The following SULF1 variants were observed in gnomAD, a reference collection of about 807,000 sequenced individuals.
The protein encoded by SULF1 is extracellular sulfatase Sulf-1.
SULF1 carries 46 observed loss-of-function variants against 110.5 expected under a neutral mutation model. That is an observed-to-expected ratio of 0.42 (90% confidence interval 0.33 to 0.53). The LOEUF (loss-of-function observed/expected upper bound fraction) is 0.53, where lower values mean the gene tolerates loss of function less well. SULF1 is among the 20% of genes least tolerant of loss of function. The probability of loss-of-function intolerance (pLI) is 0.12; values close to 1 mark genes in which losing one functional copy is unlikely to be tolerated. For synonymous variants in SULF1, 371 were observed against 387.1 expected (o/e 0.96, Z 0.49); for missense variants, 941 against 1,094.2 (o/e 0.86, Z 1.98).
chr8:69,567,692 T>A (rs1010768238), intron 5 of SULF1, among the ~76,000 whole-genome samples: 2 of 152,304 alleles, frequency 1.3e-5, no homozygotes, highest in African/African-American at 2.4e-5. Context: ...GCTGAATAAC[T>A]TTTCATTGCA....
chr8:69,544,253 TTTTTTTTGTTTG>T (rs372147669), intron 3 of SULF1, among the ~76,000 whole-genome samples: 2,287 of 151,920 alleles, frequency 0.015, 53 homozygotes, highest in African/African-American at 0.05. Context: ...AAACAAATGT[TTTTTTTTGTTTG>T]TTTTTTTGTT....
intron 6 of SULF1, among the ~76,000 whole-genome samples, chr8:69,579,351 C>T (rs968900482): frequency 1.3e-5 from 2 of 151,756 alleles, no homozygotes; most frequent in African/African-American, 2.4e-5. Context: ...GTCAGGAGTT[C>T]GAGCCTGGCC....
chr8:69,506,235 TACACACACACAC>T (rs10656748), intron 3 of SULF1, among the ~76,000 whole-genome samples: 2 of 149,800 alleles, frequency 1.3e-5, no homozygotes, highest in South Asian at 2.1e-4. Context: ...ACACTAAACA[TACACACACACAC>T]ACACACACAC....
At chr8:69,503,061 A>G (rs1810927037) in intron 3 of SULF1, among the ~76,000 whole-genome samples, 2 of 152,106 alleles carry the variant, frequency 1.3e-5, no homozygotes, top group South Asian at 4.1e-4. Flanking sequence ...CAAAACTTTC[A>G]TGAACCTCAC....
At position 69,518,899 on chromosome 8, in the gene SULF1, C is replaced by T. The variant is rs1362932953; in HGVS notation, c.-134+16931C>T. ...CATACAGATTTCTGGAACTCTTTCTCTTTATGTCTCTCTTCTCTCAAGCTC... is the reference window on the plus strand; with the variant it reads ...CATACAGATTTCTGGAACTCTTTCTTTTTATGTCTCTCTTCTCTCAAGCTC... On this transcript the variant is annotated intron_variant, in intron 3 of 22. Transcript: ENST00000402687. 2.0e-5 allele frequency among the ~76,000 whole-genome samples: 3 copies of T among 152,264 alleles called. No individual in the cohort carries two copies. In the East Asian group the frequency reaches 5.8e-4, roughly 29 times the overall value.
chr8:69,494,343 A>T (rs1810175377), intron 1 of SULF1, among the ~76,000 whole-genome samples: 1 of 152,126 alleles, frequency 6.6e-6, no homozygotes, highest in African/African-American at 2.4e-5. Context: ...ATAGTACAAC[A>T]TCCAAAATGG....
At chr8:69,653,487 G>A (rs2130741971) in intron 22 of SULF1, among the ~76,000 whole-genome samples, 1 of 152,344 alleles carries the variant, frequency 6.6e-6, no homozygotes, top group South Asian at 2.1e-4. Context: ...GGTCCAGATG[G>A]GTCCCAAACG....
chr8:69,482,181 G>C (rs1049037186), intron 1 of SULF1, among the ~76,000 whole-genome samples: 3 of 152,156 alleles, frequency 2.0e-5, no homozygotes, highest in African/African-American at 7.2e-5. Flanking sequence ...GAGGGCATCA[G>C]ACTCTTTTGC....
Position 69,658,549 on chromosome 8 carries a change from A to C in SULF1, c.*14A>C, listed in dbSNP as rs972129539. 1 of 1,610,262 alleles carries C rather than the reference A, an allele frequency of 6.2e-7. No homozygotes were observed. Among genetic ancestry groups the C allele is most frequent in the Non-Finnish European group, 8.5e-7 (1 of 1,176,796 alleles). On this transcript the variant is annotated 3_prime_UTR_variant, in exon 23 of 23. Transcript: ENST00000402687. ...TGGGAAGGTTAATCAGCCCCGTCTCACTGCAGACATCAACTGGCAAGGCCT... is the reference window on the plus strand; with the variant it reads ...TGGGAAGGTTAATCAGCCCCGTCTCCCTGCAGACATCAACTGGCAAGGCCT...
chr8:69,500,267 A>G (rs376647388), intron 2 of SULF1, among the ~76,000 whole-genome samples: 2 of 152,320 alleles, frequency 1.3e-5, no homozygotes, highest in East Asian at 3.9e-4. Flanking sequence ...AGTTTTTCAC[A>G]TGAATGTTTT....
chr8:69,555,372 AGTGGGCTGGGC>A (rs1290958331), intron 3 of SULF1, among the ~76,000 whole-genome samples: 1 of 152,232 alleles, frequency 6.6e-6, no homozygotes. Flanking sequence ...GAAGTAGGCC[AGTGGGCTGGGC>A]GTGGTGGCTC....
At position 69,565,224 on chromosome 8, in the gene SULF1, CTT is replaced by C. The variant is rs10714268; in HGVS notation, c.172+1090_172+1091del. ...ACGTTGGTTTGAGGAGTCAACCCAA[CTT>C]TTTTTTTTTTTTAACAAGGGTATTG... On this transcript the variant is annotated intron_variant, in intron 5 of 22. Transcript: ENST00000402687. Among the ~76,000 whole-genome samples the C allele has an allele frequency of 3.8e-3, 549 of 146,070 alleles. 4 individuals are homozygous for C. Among genetic ancestry groups the C allele is most frequent in the African/African-American group, 0.012 (498 of 40,358 alleles).
At chr8:69,474,464 C>T (rs1809220558) in intron 1 of SULF1, among the ~76,000 whole-genome samples, 1 of 152,294 alleles carries the variant, frequency 6.6e-6, no homozygotes, top group African/African-American at 2.4e-5. Flanking sequence ...ATGTGCTTTA[C>T]CGTGCATCCA....
chr8:69,468,677 AAAGGC>A (rs1808958442), intron 1 of SULF1, among the ~76,000 whole-genome samples: 1 of 152,240 alleles, frequency 6.6e-6, no homozygotes, highest in Admixed American at 6.5e-5. Context: ...ATAAAGACAG[AAAGGC>A]AAGCTAATAT....
At chr8:69,512,242 C>T (rs1586268369) in intron 3 of SULF1, among the ~76,000 whole-genome samples, 2 of 152,110 alleles carry the variant, frequency 1.3e-5, no homozygotes, top group South Asian at 4.1e-4. Flanking sequence ...CAAGGGCTGG[C>T]AAGTCCCTGC....
At chr8:69,500,928 T>C (rs1222535031) in intron 2 of SULF1, among the ~76,000 whole-genome samples, 2 of 152,038 alleles carry the variant, frequency 1.3e-5, no homozygotes. Flanking sequence ...GTAGGAGTGA[T>C]CCATCCAGAG....
chr8:69,621,629 TA>T (rs1236708157), intron 14 of SULF1, among the ~76,000 whole-genome samples: 7 of 152,186 alleles, frequency 4.6e-5, no homozygotes. Context: ...AAATAGTAAA[TA>T]CAAGGTTTCA....
chr8:69,469,398 G>T (rs1453004683), intron 1 of SULF1: 1 of 152,220 alleles, frequency 6.6e-6, no homozygotes, highest in Non-Finnish European at 1.5e-5. Context: ...ATGCATTAAG[G>T]TGACAGATCT....
At chr8:69,615,849 G>C (rs1809061984) in intron 13 of SULF1, among the ~76,000 whole-genome samples, 1 of 152,040 alleles carries the variant, frequency 6.6e-6, no homozygotes, top group Non-Finnish European at 1.5e-5. Context: ...ACACCTTTGT[G>C]TTCTACAGGA....
Sources: gnomAD v4.1 joint callset for allele counts (sites outside exome capture counted in the v4.1 genomes callset) on GRCh38, gnomAD v4.1.1 for gene constraint, MANE v1.5 for transcripts, NCBI Gene and HGNC (gene_info 2026-07-23, HGNC 2026-07-21) for gene names.